Variants in TANGO6 observed in about 807,000 individuals in gnomAD.
TANGO6 encodes transport and golgi organization 6 homolog, also known as transport and Golgi organization protein 6 homolog.
TANGO6 carries 90 observed loss-of-function variants against 114.2 expected under a neutral mutation model. That is an observed-to-expected ratio of 0.79 (90% CI 0.66 to 0.94). The LOEUF (loss-of-function observed/expected upper bound fraction) is 0.94. Ranked by LOEUF, TANGO6 falls within the 40% of genes least tolerant of loss-of-function variation. The pLI is 0.00. For missense variants in TANGO6, 1,274 were observed against 1,315.3 expected (o/e 0.97, Z 0.49); for synonymous variants, 477 against 509.8 (o/e 0.94, Z 0.87).
Position 68,949,106 on chromosome 16 carries a change from A to C in TANGO6, c.2701+18811A>C, listed in dbSNP as rs141446847. Among the ~76,000 whole-genome samples, 1,045 of 152,320 alleles carry C rather than the reference A, an allele frequency of 6.9e-3. 42 individuals carry two copies. The highest frequency in any genetic ancestry group is 0.06 in the Admixed American group (919 of 15,294). ...GAGGCTGAGGCTGGAGAAACGCTTG[A>C]ACCTGGGAGGGGCAGGTTGCGGTAA... On this transcript the variant is annotated intron_variant, in intron 14 of 17. Coordinates refer to ENST00000261778, the MANE Select transcript of TANGO6 (RefSeq NM_024562.2).
intron 11 of TANGO6, among the ~76,000 whole-genome samples, chr16:68,915,505 AT>A (rs1962991261): frequency 1.3e-5 from 2 of 152,110 alleles, no homozygotes; most frequent in Admixed American, 6.5e-5. Flanking sequence ...GCCTAAAGTG[AT>A]CTCCTGCCTT....
intron 1 of TANGO6, among the ~76,000 whole-genome samples, chr16:68,855,036 G>T (rs1476893287): frequency 2.0e-5 from 3 of 148,872 alleles, no homozygotes; most frequent in Admixed American, 1.3e-4. Context: ...ACAGAGTCTT[G>T]CTCTGTCACC....
intron 16 of TANGO6, among the ~76,000 whole-genome samples, chr16:69,028,204 TC>T (rs1597063888): frequency 2.0e-5 from 3 of 152,110 alleles, no homozygotes. Context: ...AGGTGATCCA[TC>T]CGCTTCGGGC....
chr16:68,900,367 G>A, intron 7 of TANGO6, 67 bp from the exon 8 acceptor site: 2 of 1,268,292 alleles, frequency 1.6e-6, no homozygotes, highest in South Asian at 1.2e-5. Flanking sequence ...TAGGTGTTTG[G>A]TGTGTGATTC....
At chr16:68,925,726 G>A (rs954793964) in intron 12 of TANGO6, among the ~76,000 whole-genome samples, 6 of 151,920 alleles carry the variant, frequency 3.9e-5, no homozygotes, top group African/African-American at 1.4e-4. Flanking sequence ...TTAACTTGTA[G>A]GAGTTTTATA....
At chr16:69,078,492 G>A (rs964963732) in intron 17 of TANGO6, among the ~76,000 whole-genome samples, 1 of 152,130 alleles carries the variant, frequency 6.6e-6, no homozygotes, top group Non-Finnish European at 1.5e-5. Flanking sequence ...GCCATCTCCA[G>A]TGAACTTTCC....
At chr16:68,901,558 G>A (rs542852632) in intron 8 of TANGO6, among the ~76,000 whole-genome samples, 64 of 152,164 alleles carry the variant, frequency 4.2e-4, no homozygotes, top group African/African-American at 1.4e-3. Context: ...GTGCGATCTC[G>A]GCTCACTGCA....
At chr16:69,078,847 T>C (rs1365048470) in intron 17 of TANGO6, among the ~76,000 whole-genome samples, 2 of 152,072 alleles carry the variant, frequency 1.3e-5, no homozygotes, top group Non-Finnish European at 2.9e-5. Flanking sequence ...GTTCCAGTGA[T>C]TCTCCCATCT....
chr16:68,946,740 A>T (rs1963418466), intron 14 of TANGO6, among the ~76,000 whole-genome samples: 1 of 152,136 alleles, frequency 6.6e-6, no homozygotes, highest in African/African-American at 2.4e-5. Context: ...GGGGTCAAGT[A>T]ATCTGCCTGT....
chr16:68,871,792 G>A (rs577449564), intron 4 of TANGO6, among the ~76,000 whole-genome samples: 13 of 152,200 alleles, frequency 8.5e-5, no homozygotes, highest in African/African-American at 3.1e-4. Context: ...ACTAATTTTT[G>A]TATTTTTAGT....
At chr16:68,993,555 T>C (rs868151913) in intron 15 of TANGO6, among the ~76,000 whole-genome samples, 6 of 152,318 alleles carry the variant, frequency 3.9e-5, no homozygotes, top group Middle Eastern at 6.8e-3. Context: ...TGGCTTGATA[T>C]AGTAGGAATT....
At chr16:68,900,383 G>A in intron 7 of TANGO6, 51 bp from the exon 8 acceptor site, 1 of 1,485,916 alleles carries the variant, frequency 6.7e-7, no homozygotes, top group Non-Finnish European at 9.4e-7. Context: ...GATTCCCGTT[G>A]CTCTGGCCAG....
intron 16 of TANGO6, among the ~76,000 whole-genome samples, chr16:69,031,219 G>T (rs957593790): frequency 6.6e-6 from 1 of 151,942 alleles, no homozygotes; most frequent in African/African-American, 2.4e-5. Context: ...TCCCAGGAAT[G>T]TTCATGGTCA....
At chr16:69,063,707 A>T (rs1241949552) in intron 17 of TANGO6, among the ~76,000 whole-genome samples, 1 of 143,320 alleles carries the variant, frequency 7.0e-6, no homozygotes, top group East Asian at 2.2e-4. Context: ...AGTAGTGAGG[A>T]TGGAGAATCA....
intron 6 of TANGO6, 23 bp from the exon 7 acceptor site, chr16:68,880,524 TA>T (rs1962443232): frequency 6.3e-7 from 1 of 1,587,846 alleles, no homozygotes; most frequent in Non-Finnish European, 8.6e-7. Flanking sequence ...TAAATATGGG[TA>T]ATTTTGTGTG....
At chr16:68,899,038 C>T (rs781694719) in intron 7 of TANGO6, among the ~76,000 whole-genome samples, 5 of 151,066 alleles carry the variant, frequency 3.3e-5, no homozygotes, top group Non-Finnish European at 7.4e-5. Context: ...TTAGGGAGGA[C>T]GAGACAGGAG....
chr16:68,967,088 T>A (rs1164630966), intron 14 of TANGO6, among the ~76,000 whole-genome samples: 1 of 152,180 alleles, frequency 6.6e-6, no homozygotes, highest in Non-Finnish European at 1.5e-5. Flanking sequence ...GCTAATTTTT[T>A]AAATTTTTGT....
At chr16:68,887,210 G>T (rs1962551396) in intron 7 of TANGO6, among the ~76,000 whole-genome samples, 1 of 152,102 alleles carries the variant, frequency 6.6e-6, no homozygotes, top group African/African-American at 2.4e-5. Flanking sequence ...TGGAGTGTGG[G>T]TCTATTTTAT....
intron 12 of TANGO6, among the ~76,000 whole-genome samples, chr16:68,919,475 G>C (rs1040170838): frequency 6.6e-6 from 1 of 151,988 alleles, no homozygotes; most frequent in African/African-American, 2.4e-5. Flanking sequence ...TCTTAATTTG[G>C]GAACATCTAG....
Sources: gnomAD v4.1 joint callset for allele counts (sites outside exome capture counted in the v4.1 genomes callset) on GRCh38, gnomAD v4.1.1 for gene constraint, MANE v1.5 for transcripts, NCBI Gene and HGNC (gene_info 2026-07-23, HGNC 2026-07-21) for gene names.